The following PAM variants were observed in gnomAD, a reference collection of about 807,000 sequenced individuals.
PAM encodes the protein peptidylglycine alpha-amidating monooxygenase.
A neutral mutation model predicts 122.1 loss-of-function variants in PAM; 72 were observed. That is an observed-to-expected ratio of 0.59 (90% CI 0.49 to 0.72). The LOEUF (loss-of-function observed/expected upper bound fraction) is 0.72, where lower values mean the gene tolerates loss of function less well. Ranked by LOEUF, PAM falls within the 30% of genes least tolerant of loss-of-function variation. The pLI is 0.00. For synonymous variants in PAM, 389 were observed against 404.4 expected (o/e 0.96, Z 0.46); for missense variants, 1,106 against 1,183.7 (o/e 0.93, Z 0.96).
At position 102,987,697 on chromosome 5, in the gene PAM, T is replaced by G. The variant is rs1298457194; in HGVS notation, c.1484-2575T>G. On this transcript the variant is annotated intron_variant, in intron 15 of 25. Transcript: ENST00000438793. ...TTCTAAACCTTCAGTGGCTCCCAATTGCCGGTAGCAGCCATTTGCAATTGT... is the reference window on the plus strand; with the variant it reads ...TTCTAAACCTTCAGTGGCTCCCAATGGCCGGTAGCAGCCATTTGCAATTGT... 8 of 346,328 alleles carry G rather than the reference T, an allele frequency of 2.3e-5. No individual in the cohort carries two copies. The East Asian group carries it at 6.5e-4, about 28-fold the overall frequency. The allele number at this position is 346,328 out of a possible 1,614,324, so 21.5% of individuals were successfully genotyped here.
intron 14 of PAM, among the ~76,000 whole-genome samples, chr5:102,966,937 T>TA (rs1230749132): frequency 6.6e-6 from 1 of 152,178 alleles, no homozygotes; most frequent in Admixed American, 6.6e-5. Context: ...TGATCATTTT[T>TA]AAAAAATAAT....
chr5:102,758,838 G>C (rs1751450307), intron 1 of PAM, among the ~76,000 whole-genome samples: 1 of 152,070 alleles, frequency 6.6e-6, no homozygotes, highest in African/African-American at 2.4e-5. Context: ...GTAGGGGGAG[G>C]GGGGAAGGAA....
intron 15 of PAM, among the ~76,000 whole-genome samples, chr5:102,988,376 C>T (rs1772682906): frequency 6.6e-6 from 1 of 152,082 alleles, no homozygotes. Flanking sequence ...CTCCTATATT[C>T]CTGTACTACT....
At chr5:102,763,134 C>G (rs559976490) in intron 1 of PAM, among the ~76,000 whole-genome samples, 1 of 152,186 alleles carries the variant, frequency 6.6e-6, no homozygotes, top group African/African-American at 2.4e-5. Flanking sequence ...TAAACAGACT[C>G]TCTTGGTCCC....
chr5:102,940,652 A>G (rs1457293397), intron 7 of PAM, among the ~76,000 whole-genome samples: 1 of 152,046 alleles, frequency 6.6e-6, no homozygotes, highest in Admixed American at 6.6e-5. Context: ...AATATTTAAA[A>G]CTGCCCAACC....
intron 23 of PAM, among the ~76,000 whole-genome samples, chr5:103,020,671 G>A (rs1038580875): frequency 2.6e-5 from 4 of 152,100 alleles, no homozygotes; most frequent in Non-Finnish European, 5.9e-5. Flanking sequence ...GTAGCAAGGG[G>A]ATTCCATTAT....
chr5:102,815,747 G>T (rs1329548487), intron 1 of PAM, among the ~76,000 whole-genome samples: 1 of 152,156 alleles, frequency 6.6e-6, no homozygotes, highest in African/African-American at 2.4e-5. Flanking sequence ...AAGATTTTCT[G>T]ATTAGGTTGA....
At chr5:102,901,919 T>C (rs1798049359) in intron 4 of PAM, among the ~76,000 whole-genome samples, 2 of 151,418 alleles carry the variant, frequency 1.3e-5, no homozygotes, top group Non-Finnish European at 3.0e-5. Flanking sequence ...AGAACATTTA[T>C]GTTGTTGTTT....
chr5:102,989,420 T>C (rs902715754), intron 15 of PAM, among the ~76,000 whole-genome samples: 1 of 152,108 alleles, frequency 6.6e-6, no homozygotes, highest in Non-Finnish European at 1.5e-5. Flanking sequence ...GGTGGGAGGA[T>C]TGCTTGAGCT....
intron 7 of PAM, among the ~76,000 whole-genome samples, chr5:102,937,650 G>A (rs1753711126): frequency 1.3e-5 from 2 of 152,112 alleles, no homozygotes; most frequent in South Asian, 4.1e-4. Flanking sequence ...CTAACTAAAA[G>A]GGATCATCAG....
chr5:102,767,965 TG>T (rs1203376480), intron 1 of PAM, among the ~76,000 whole-genome samples: 1 of 152,124 alleles, frequency 6.6e-6, no homozygotes, highest in African/African-American at 2.4e-5. Flanking sequence ...GACTCTGGCT[TG>T]GGGACCTGTG....
At chr5:102,895,098 C>A (rs1795839932) in intron 3 of PAM, among the ~76,000 whole-genome samples, 1 of 151,736 alleles carries the variant, frequency 6.6e-6, no homozygotes, top group African/African-American at 2.4e-5. Context: ...CATCTACATG[C>A]CCAGTCCAAT....
intron 2 of PAM, 89 bp downstream of exon 2, chr5:102,866,373 G>T (rs1785564828): frequency 3.6e-6 from 3 of 825,204 alleles, no homozygotes; most frequent in South Asian, 1.4e-5. Context: ...AAATAGACGG[G>T]GTTGATGTTC....
At chr5:102,934,293 G>A (rs891008394) in intron 7 of PAM, among the ~76,000 whole-genome samples, 1 of 152,104 alleles carries the variant, frequency 6.6e-6, no homozygotes, top group Non-Finnish European at 1.5e-5. Context: ...GGGCCCTGGC[G>A]TGTACATCAG....
At chr5:102,948,521 A>G in intron 9 of PAM, 76 bp downstream of exon 9, 1 of 715,470 alleles carries the variant, frequency 1.4e-6, no homozygotes, top group South Asian at 1.8e-5. Context: ...TGTATTTTTT[A>G]TAAACTTTAA....
intron 4 of PAM, among the ~76,000 whole-genome samples, chr5:102,912,213 G>A (rs977072601): frequency 6.6e-6 from 1 of 151,970 alleles, no homozygotes; most frequent in Non-Finnish European, 1.5e-5. Flanking sequence ...AGGGGAGGAA[G>A]TCATGTAATC....
chr5:102,839,192 G>T (rs1777885345), intron 1 of PAM, among the ~76,000 whole-genome samples: 1 of 151,912 alleles, frequency 6.6e-6, no homozygotes, highest in African/African-American at 2.4e-5. Context: ...CAAGCTCCAG[G>T]TATTTTCAAA....
intron 22 of PAM, 75 bp from the exon 23 acceptor site, chr5:103,019,715 T>G: frequency 2.1e-6 from 2 of 954,658 alleles, no homozygotes; most frequent in Admixed American, 3.6e-5. Flanking sequence ...TGAGTAAAAT[T>G]AATATCAAAG....
intron 7 of PAM, among the ~76,000 whole-genome samples, chr5:102,945,452 A>G (rs1175872439): frequency 1.3e-5 from 2 of 149,590 alleles, no homozygotes; most frequent in African/African-American, 4.8e-5. Flanking sequence ...CATATAGCTT[A>G]TATAAACTAT....
Sources: allele counts gnomAD v4.1 joint callset (sites outside exome capture counted in the v4.1 genomes callset), GRCh38; gene constraint gnomAD v4.1.1; transcripts MANE v1.5; gene names NCBI Gene and HGNC (gene_info 2026-07-23, HGNC 2026-07-21).